CDH11: variants seen among roughly 807,000 people sequenced by gnomAD.
CDH11 encodes cadherin 11, also known as cadherin-11.
CDH11 carries 11 observed loss-of-function variants against 67.8 expected under a neutral mutation model. The observed-to-expected ratio is 0.16, with a 90% CI of 0.10 to 0.27. CDH11 has a LOEUF of 0.27. Ranked by LOEUF, CDH11 falls within the 10% of genes least tolerant of loss-of-function variation. The pLI is 1.00. For synonymous variants in CDH11, 419 were observed against 400.0 expected, an observed-to-expected ratio of 1.05 and a Z score of -0.57; for missense variants, 847 against 1,031.2, an observed-to-expected ratio of 0.82 and a Z score of 2.45.
At chr16:64,994,672 C>T (rs1597067818) in intron 4 of CDH11, among the ~76,000 whole-genome samples, 1 of 152,180 alleles carries the variant, frequency 6.6e-6, no homozygotes, top group Admixed American at 6.5e-5. Context: ...CCCACTCTCA[C>T]CAGTCCTATT....
In CDH11 at chr16:65,121,635, C is replaced by A. The variant is rs902990083; in HGVS notation, c.-298+245G>T. 1.2e-4 allele frequency among the ~76,000 whole-genome samples: 18 copies of A among 152,336 alleles called. No individual in the cohort carries two copies. The South Asian group carries it at 3.1e-3, about 26-fold the overall frequency. Reference sequence around the variant, plus strand: ...GCCGGAGCCAGGGAGAGTCGTGGAGCGCACATCTGAAGCCTCCGTCCCCTG... The same window carrying A: ...GCCGGAGCCAGGGAGAGTCGTGGAGAGCACATCTGAAGCCTCCGTCCCCTG... On this transcript the variant is annotated intron_variant, in intron 1 of 12. Coordinates refer to ENST00000268603, the MANE Select transcript of CDH11 (RefSeq NM_001797.4). The surrounding 1 kb of genome is among the most constrained non-coding windows in gnomAD (Gnocchi z 4.1).
At chr16:65,049,728 T>A (rs1439845426) in intron 2 of CDH11, among the ~76,000 whole-genome samples, 4 of 152,168 alleles carry the variant, frequency 2.6e-5, no homozygotes, top group Non-Finnish European at 5.9e-5. Context: ...ATTGTGGTGA[T>A]GACAGTCACA....
intron 1 of CDH11, among the ~76,000 whole-genome samples, chr16:65,068,257 A>C (rs569941719): frequency 6.6e-6 from 1 of 151,996 alleles, no homozygotes; most frequent in South Asian, 2.1e-4. Context: ...TGCAAGATAA[A>C]GTAATCAGGT....
chr16:65,014,613 A>G (rs983745980), intron 2 of CDH11, among the ~76,000 whole-genome samples: 1 of 152,092 alleles, frequency 6.6e-6, no homozygotes, highest in Admixed American at 6.5e-5. Flanking sequence ...GTCAAGGAAG[A>G]CTTTCTGGAG....
intron 11 of CDH11, among the ~76,000 whole-genome samples, chr16:64,970,126 C>T (rs1266279535): frequency 1.3e-5 from 2 of 152,154 alleles, no homozygotes; most frequent in African/African-American, 2.4e-5. Context: ...TAACTTCCTT[C>T]ACACTTCAGT....
chr16:64,991,828 T>A lies in CDH11; in HGVS notation c.751A>T (p.Thr251Ser). 6.2e-7 allele frequency: 1 copy of A among 1,613,966 alleles called. No individual in the cohort carries two copies. Among genetic ancestry groups the A allele is most frequent in the Non-Finnish European group, 8.5e-7 (1 of 1,179,862 alleles). ...GTCAGTGTGATCGTCACTTTGGTTG[T>A]CCCTGAGAGTCCGCCCATATGTCCA... ...MGGHMGGLSGTTKVTITLTDV... is the reference protein window; with the variant it reads ...MGGHMGGLSGSTKVTITLTDV... Residue 251 changes from threonine (T) to serine (S), a missense_variant, in exon 6 of 13, where the codon ACA (threonine) becomes TCA (serine). This residue lies in a region of CDH11 where 235 missense variants were observed against 352.5 expected (regional missense o/e 0.67). Transcript: ENST00000268603.
intron 4 of CDH11, among the ~76,000 whole-genome samples, chr16:64,993,404 G>C (rs984845162): frequency 5.3e-5 from 8 of 152,196 alleles, no homozygotes; most frequent in Middle Eastern, 3.4e-3. Context: ...TCTTCCCAGA[G>C]TATAATAAAT....
chr16:65,100,381 G>A (rs1222678437), intron 1 of CDH11, among the ~76,000 whole-genome samples: 6 of 151,950 alleles, frequency 3.9e-5, no homozygotes, highest in Admixed American at 1.3e-4. Flanking sequence ...TGGAAAGGCT[G>A]AGATGAGTGA....
At chr16:65,058,858 C>A (rs2074191603) in intron 1 of CDH11, among the ~76,000 whole-genome samples, 2 of 152,086 alleles carry the variant, frequency 1.3e-5, no homozygotes, top group South Asian at 2.1e-4. Context: ...GGAGGATAAT[C>A]ACAATACATG....
intron 1 of CDH11, among the ~76,000 whole-genome samples, chr16:65,089,162 A>G (rs1034505488): frequency 6.6e-6 from 1 of 152,164 alleles, no homozygotes; most frequent in Non-Finnish European, 1.5e-5. Flanking sequence ...TAACCAAGGT[A>G]GAAAGTGGCA....
intron 2 of CDH11, among the ~76,000 whole-genome samples, chr16:65,008,729 G>A (rs556974654): frequency 6.6e-6 from 1 of 152,194 alleles, no homozygotes; most frequent in Admixed American, 6.5e-5. Context: ...CACAACTCTT[G>A]CCATTTGTTT....
chr16:65,013,354 C>T (rs1209788528), intron 2 of CDH11, among the ~76,000 whole-genome samples: 1 of 152,022 alleles, frequency 6.6e-6, no homozygotes, highest in Non-Finnish European at 1.5e-5. Context: ...TGACAGGAGC[C>T]GAGCTGTCAG....
intron 2 of CDH11, among the ~76,000 whole-genome samples, chr16:65,027,032 A>G (rs1283930816): frequency 6.6e-6 from 1 of 152,188 alleles, no homozygotes. Flanking sequence ...AAAAGGAGTT[A>G]CGTGGTTGTA....
At position 65,107,587 on chromosome 16, in the gene CDH11, T is replaced by C. The variant is rs544762717; in HGVS notation, c.-298+14293A>G. 3.7e-4 allele frequency among the ~76,000 whole-genome samples: 57 copies of C among 152,310 alleles called. 1 individual carries two copies. The highest frequency in any genetic ancestry group is 1.0e-3 in the Admixed American group (16 of 15,302). On this transcript the variant is annotated intron_variant, in intron 1 of 12. Transcript: ENST00000268603. ...AGCATGCTTCAAATCCTGTAAAATT[T>C]CCTTGGGACCTAGGGAATAAAGTCC...
intron 7 of CDH11, chr16:64,987,255 C>G (rs1200042309): frequency 2.0e-5 from 3 of 152,128 alleles, no homozygotes; most frequent in African/African-American, 7.2e-5. Context: ...TCTGGCTCTT[C>G]TTTACAAACG....
chr16:64,952,915 G>T (rs957513962), intron 11 of CDH11, among the ~76,000 whole-genome samples: 1 of 151,958 alleles, frequency 6.6e-6, no homozygotes, highest in African/African-American at 2.4e-5. Flanking sequence ...GGTATCTGCC[G>T]GGAATTGGTT....
chr16:64,949,037 A>G (rs2071277159), intron 12 of CDH11, among the ~76,000 whole-genome samples: 1 of 152,156 alleles, frequency 6.6e-6, no homozygotes, highest in African/African-American at 2.4e-5. Context: ...TGGCTCCCAA[A>G]GCTCTGTGCT....
chr16:64,961,853 A>T (rs1401099756), intron 11 of CDH11, among the ~76,000 whole-genome samples: 1 of 152,132 alleles, frequency 6.6e-6, no homozygotes, highest in Non-Finnish European at 1.5e-5. Flanking sequence ...TTAAACATTT[A>T]TTTTTTAGTA....
intron 1 of CDH11, among the ~76,000 whole-genome samples, chr16:65,054,368 T>G (rs545313733): frequency 6.6e-6 from 1 of 152,270 alleles, no homozygotes; most frequent in South Asian, 2.1e-4. Context: ...CAGATCCTCT[T>G]GAACAACAGG....
Sources: gnomAD v4.1 joint callset for allele counts (sites outside exome capture counted in the v4.1 genomes callset) on GRCh38, gnomAD v4.1.1 for gene constraint, gnomAD v4.1.1 regional missense constraint, Gnocchi (gnomAD v3.1) non-coding constraint, MANE v1.5 for transcripts, NCBI Gene and HGNC (gene_info 2026-07-23, HGNC 2026-07-21) for gene names.